Variants in HMCN2 observed in about 807,000 individuals in gnomAD.
The protein encoded by HMCN2 is hemicentin 2.
In HMCN2, 325 loss-of-function variants were observed where a neutral mutation model predicts 377.5. That is an observed-to-expected ratio of 0.86 (90% CI 0.79 to 0.94). HMCN2 has a LOEUF of 0.94. Ranked by LOEUF, HMCN2 falls within the 40% of genes least tolerant of loss-of-function variation. The pLI, the probability that HMCN2 is intolerant of heterozygous loss-of-function variation, is 0.00. For synonymous variants in HMCN2, 2,007 were observed against 2,046.8 expected (o/e 0.98, Z 0.53); for missense variants, 4,543 against 4,725.3 (o/e 0.96, Z 1.13).
chr9:130,400,751 G>C, intron 76 of HMCN2, 32 bp from the exon 77 acceptor site: 1 of 1,263,502 alleles, frequency 7.9e-7, no homozygotes, highest in Non-Finnish European at 1.0e-6. Flanking sequence ...TGTGCCCGCC[G>C]GCAGGGCCTC....
At position 130,396,057 on chromosome 9, in the gene HMCN2, A is replaced by T. The variant is rs756073283; in HGVS notation, c.11045A>T (p.Glu3682Val). ...AGCACTAGTGTCGCCTTCCGCGTGG[A>T]GATCCACAGTGAGTAGGGCCCGCCC... The part of the protein sequence containing the change: ...AGSTSVAFRV[E>V]IHTVPTIRSG... The change falls in exon 72 of 98, where the codon GAG (glutamate) becomes GTG (valine). Residue 3682 changes from glutamate to valine, a missense_variant. This residue lies in a region of HMCN2 where 1,073 missense variants were observed against 1,319.5 expected (regional missense o/e 0.81). Coordinates refer to ENST00000683500, the MANE Select transcript of HMCN2 (RefSeq NM_001291815.2). 1.2e-4 allele frequency: 149 copies of T among 1,283,194 alleles called. No homozygotes were observed. Among genetic ancestry groups the T allele is most frequent in the East Asian group, 5.6e-5 (1 of 17,894 alleles). The allele number at this position is 1,283,194 out of a possible 1,614,324, so 79.5% of individuals were successfully genotyped here.
intron 19 of HMCN2, among the ~76,000 whole-genome samples, chr9:130,323,701 T>A (rs923058090): frequency 7.9e-5 from 12 of 152,104 alleles, no homozygotes; most frequent in African/African-American, 2.7e-4. Flanking sequence ...TTTTTTTTTT[T>A]TTATTTTACT....
At chr9:130,392,140 C>A in intron 66 of HMCN2, 22 bp downstream of exon 66, 1 of 987,992 alleles carries the variant, frequency 1.0e-6, no homozygotes, top group Non-Finnish European at 1.2e-6. Context: ...GGTGGACAGG[C>A]CTTGGCTATT....
chr9:130,283,198 G>T (rs566428954), intron 1 of HMCN2, among the ~76,000 whole-genome samples: 32 of 152,152 alleles, frequency 2.1e-4, no homozygotes, highest in African/African-American at 6.7e-4. Context: ...TCCCCGGAAC[G>T]CCAGCCCTGC....
At chr9:130,383,428 C>T (rs1006858656) in intron 56 of HMCN2, 76 bp from the exon 57 acceptor site, 1 of 646,824 alleles carries the variant, frequency 1.5e-6, no homozygotes, top group South Asian at 6.9e-5. Flanking sequence ...GGAGGGATTC[C>T]TCGCAGTCAT....
At chr9:130,364,011 A>G (rs1564819004) in intron 40 of HMCN2, among the ~76,000 whole-genome samples, 1 of 152,114 alleles carries the variant, frequency 6.6e-6, no homozygotes, top group Non-Finnish European at 1.5e-5. Flanking sequence ...GAAAGAAAGA[A>G]AAAGAAAGAA....
In HMCN2 at chr9:130,278,007, C is replaced by CATCATCATCACCACCACCACG. The variant is rs1564740264; in HGVS notation, c.260-6588_260-6568dup. On this transcript the variant is annotated intron_variant, in intron 1 of 97. Coordinates refer to ENST00000683500, the MANE Select transcript of HMCN2 (RefSeq NM_001291815.2). Reference sequence around the variant, plus strand: ...CCACCACGATCATCACCACCACCACCATCATCATCACCACCACCACGATCA... The same window carrying CATCATCATCACCACCACCACG: ...CCACCACGATCATCACCACCACCACCATCATCATCACCACCACCACGATCATCATCACCACCACCACGATCA... Among the ~76,000 whole-genome samples the CATCATCATCACCACCACCACG allele has an allele frequency of 6.6e-5, 3 of 45,472 alleles. 1 individual carries two copies. The highest frequency in any genetic ancestry group is 6.5e-4 in the Admixed American group (3 of 4,600). The allele number at this position is 45,472 out of a possible 152,430, so 29.8% of individuals were successfully genotyped here. A position where few individuals can be genotyped will look rare whatever the true frequency, so the allele number is the denominator to read the frequency against.
intron 75 of HMCN2, 144 bp downstream of exon 75, chr9:130,398,851 G>A: frequency 1.5e-6 from 1 of 680,622 alleles, no homozygotes; most frequent in Admixed American, 3.2e-5. Context: ...CTCAACTTTG[G>A]GGATCAGAGA....
intron 30 of HMCN2, among the ~76,000 whole-genome samples, 193 bp from the exon 31 acceptor site, chr9:130,352,734 C>A (rs1839801347): frequency 6.6e-6 from 1 of 152,084 alleles, no homozygotes; most frequent in Non-Finnish European, 1.5e-5. Context: ...CCTTCCACAC[C>A]AGCATGTCCC....
At chr9:130,292,994 CTAT>C (rs1554930572) in intron 4 of HMCN2, among the ~76,000 whole-genome samples, 9 of 109,124 alleles carry the variant, frequency 8.2e-5, no homozygotes, top group African/African-American at 2.4e-4. Context: ...ATCTATCTAT[CTAT>C]CTACCTACCT....
chr9:130,380,038 G>A (rs1841621218), intron 54 of HMCN2, among the ~76,000 whole-genome samples: 1 of 152,054 alleles, frequency 6.6e-6, no homozygotes, highest in African/African-American at 2.4e-5. Context: ...ACCACGCCTG[G>A]CTACTTTTTG....
At chr9:130,292,956 CTCTA>C (rs139794898) in intron 4 of HMCN2, among the ~76,000 whole-genome samples, 20,773 of 144,636 alleles carry the variant, frequency 0.14, 1,493 homozygotes, top group Middle Eastern at 0.17. Context: ...GGATCAATTG[CTCTA>C]TCTATCTATC....
intron 86 of HMCN2, among the ~76,000 whole-genome samples, chr9:130,420,065 CTTTTTTTT>C (rs10586199): frequency 2.6e-5 from 2 of 77,028 alleles, no homozygotes; most frequent in African/African-American, 5.1e-5. Flanking sequence ...CGTCCCACTT[CTTTTTTTT>C]TTTTTTTTTT....
chr9:130,294,012 C>A (rs922191822), intron 4 of HMCN2, among the ~76,000 whole-genome samples: 7 of 152,050 alleles, frequency 4.6e-5, no homozygotes, highest in Admixed American at 6.5e-5. Flanking sequence ...TCCAGTGTAG[C>A]AGGCAGGGGG....
chr9:130,426,502 T>A (rs897917878), intron 90 of HMCN2, among the ~76,000 whole-genome samples: 6 of 152,222 alleles, frequency 3.9e-5, no homozygotes, highest in African/African-American at 1.4e-4. Context: ...GTCCTGGTCC[T>A]CTCGGAGCTT....
chr9:130,322,664 G>A lies in HMCN2; in HGVS notation c.2920+733G>A, dbSNP rs1007518888. Among the ~76,000 whole-genome samples the A allele has an allele frequency of 1.4e-4, 21 of 152,228 alleles. No individual in the cohort carries two copies. In the South Asian group the frequency reaches 3.9e-3, roughly 29 times the overall value. On this transcript the variant is annotated intron_variant, in intron 19 of 97. Transcript: ENST00000683500. The stretch of plus-strand genomic sequence containing the variant: ...ACATTGTAGGTGACCACGTACCTAC[G>A]TGACCAATTCTTTCCTTAGGATAAA...
At chr9:130,389,482 T>C (rs542873173) in intron 62 of HMCN2, among the ~76,000 whole-genome samples, 2 of 152,304 alleles carry the variant, frequency 1.3e-5, no homozygotes, top group South Asian at 4.1e-4. Context: ...TTCACATTAA[T>C]GGCATCATAG....
At chr9:130,348,788 T>A in intron 27 of HMCN2, 113 bp downstream of exon 27, 1 of 1,252,898 alleles carries the variant, frequency 8.0e-7, no homozygotes, top group Non-Finnish European at 1.0e-6. Context: ...GTGACAGGTG[T>A]CTTTGGTGGT....
chr9:130,282,788 A>G (rs543729852), intron 1 of HMCN2, among the ~76,000 whole-genome samples: 1 of 152,304 alleles, frequency 6.6e-6, no homozygotes, highest in South Asian at 2.1e-4. Flanking sequence ...GAGTTCACTG[A>G]GGCTGGGCAC....
Sources: gnomAD v4.1 joint callset for allele counts (sites outside exome capture counted in the v4.1 genomes callset) on GRCh38, gnomAD v4.1.1 for gene constraint, gnomAD v4.1.1 regional missense constraint, MANE v1.5 for transcripts, NCBI Gene and HGNC (gene_info 2026-07-23, HGNC 2026-07-21) for gene names.